The following NR2F1-AS1 variants were observed in gnomAD, a reference collection of about 807,000 sequenced individuals.
NR2F1-AS1 encodes NR2F1 regulatory antisense RNA 1.
chr5:93,466,192 C>T (rs1176009222), intron 4 of NR2F1-AS1, among the ~76,000 whole-genome samples: 2 of 152,056 alleles, frequency 1.3e-5, no homozygotes, highest in East Asian at 1.9e-4. Flanking sequence ...TTTTCTCATT[C>T]CACCCATTCT....
intron 4 of NR2F1-AS1, among the ~76,000 whole-genome samples, chr5:93,487,800 C>A (rs1479309092): frequency 6.6e-6 from 1 of 151,950 alleles, no homozygotes; most frequent in Non-Finnish European, 1.5e-5. Flanking sequence ...ATCCTAAGCA[C>A]AAAGAAAAAA....
chr5:93,495,529 G>T (rs1306213018), intron 4 of NR2F1-AS1, among the ~76,000 whole-genome samples: 1 of 152,028 alleles, frequency 6.6e-6, no homozygotes, highest in African/African-American at 2.4e-5. Flanking sequence ...AATGTTTACA[G>T]ATTTTTCATC....
chr5:93,582,065 C>T (rs1261972291), upstream of NR2F1-AS1, among the ~76,000 whole-genome samples: 1 of 139,914 alleles, frequency 7.1e-6, no homozygotes, highest in Non-Finnish European at 1.6e-5. Flanking sequence ...CCTTTCCTCT[C>T]CTCTCTCTCT....
intron 4 of NR2F1-AS1, among the ~76,000 whole-genome samples, chr5:93,418,510 C>G (rs1054900505): frequency 6.6e-6 from 1 of 152,016 alleles, no homozygotes; most frequent in African/African-American, 2.4e-5. Context: ...CGCTTGAACC[C>G]AGGAGGCAGA....
chr5:93,491,207 G>A (rs901925063), intron 4 of NR2F1-AS1, among the ~76,000 whole-genome samples: 17 of 151,240 alleles, frequency 1.1e-4, no homozygotes, highest in African/African-American at 3.4e-4. Flanking sequence ...GGTTGTTCCC[G>A]GTAATGGTGG....
intron 4 of NR2F1-AS1, among the ~76,000 whole-genome samples, chr5:93,458,784 T>C (rs968157189): frequency 1.3e-5 from 2 of 150,930 alleles, no homozygotes; most frequent in African/African-American, 4.9e-5. Context: ...CCGAGGAGAG[T>C]GGATCACTTG....
chr5:93,460,897 A>G (rs1207599586), intron 4 of NR2F1-AS1, among the ~76,000 whole-genome samples: 1 of 152,244 alleles, frequency 6.6e-6, no homozygotes, highest in Non-Finnish European at 1.5e-5. Flanking sequence ...AGTGTAAATT[A>G]GTTTGACCAC....
intron 1 of NR2F1-AS1, among the ~76,000 whole-genome samples, chr5:93,566,851 T>C (rs1752630577): frequency 1.3e-5 from 2 of 152,024 alleles, no homozygotes; most frequent in Admixed American, 6.5e-5. Context: ...AGTTGTCTAA[T>C]AGAGCAATAA....
intron 4 of NR2F1-AS1, among the ~76,000 whole-genome samples, chr5:93,437,279 G>A (rs555333436): frequency 4.0e-5 from 6 of 151,878 alleles, no homozygotes; most frequent in South Asian, 2.1e-4. Flanking sequence ...GATACACACC[G>A]GATTTCAAAG....
Position 93,521,024 on chromosome 5 carries a change from T to C in NR2F1-AS1, n.638+32737A>G, listed in dbSNP as rs1045791187. ...ATGGTACTGGTTCAAAAAAAGTGCATAGACCAATGGAACAGAACAGAGAGC... is the reference window on the plus strand; with the variant it reads ...ATGGTACTGGTTCAAAAAAAGTGCACAGACCAATGGAACAGAACAGAGAGC... On this transcript the variant is annotated intron_variant and non_coding_transcript_variant, in intron 4 of 5. Coordinates refer to ENST00000660523, the Ensembl canonical transcript of NR2F1-AS1. Among the ~76,000 whole-genome samples the C allele has an allele frequency of 5.9e-5, 9 of 152,166 alleles. No homozygotes were observed. The South Asian group carries it at 1.5e-3, about 25-fold the overall frequency.
upstream of NR2F1-AS1, among the ~76,000 whole-genome samples, chr5:93,582,585 G>A (rs1753128649): frequency 6.6e-6 from 1 of 152,198 alleles, no homozygotes; most frequent in Non-Finnish European, 1.5e-5. Flanking sequence ...TCATTAAAAT[G>A]GTGGGGGTTT....
intron 4 of NR2F1-AS1, among the ~76,000 whole-genome samples, chr5:93,438,170 G>A (rs2149850124): frequency 6.6e-6 from 1 of 152,274 alleles, no homozygotes; most frequent in South Asian, 2.1e-4. Context: ...GGGATTTGGG[G>A]AATTCATAGA....
intron 4 of NR2F1-AS1, among the ~76,000 whole-genome samples, chr5:93,483,575 G>A (rs1750648449): frequency 6.6e-6 from 1 of 152,154 alleles, no homozygotes; most frequent in African/African-American, 2.4e-5. Context: ...ACCAGCAAGG[G>A]AACAAAACTG....
chr5:93,489,263 C>T (rs116561251), intron 4 of NR2F1-AS1, among the ~76,000 whole-genome samples: 2,553 of 151,482 alleles, frequency 0.017, 77 homozygotes, highest in African/African-American at 0.059. Context: ...AAGAAATTAC[C>T]ACAGCCACCC....
Position 93,579,827 on chromosome 5 carries a change from C to T in NR2F1-AS1, n.313+640G>A, listed in dbSNP as rs1333381392. 2.0e-5 allele frequency among the ~76,000 whole-genome samples: 3 copies of T among 152,214 alleles called. No individual in the cohort carries two copies. Among genetic ancestry groups the T allele is most frequent in the African/African-American group, 7.2e-5 (3 of 41,456 alleles). On this transcript the variant is annotated intron_variant and non_coding_transcript_variant, in intron 1 of 5. Coordinates refer to ENST00000660523, the Ensembl canonical transcript of NR2F1-AS1. The surrounding 1 kb of genome is among the most constrained non-coding windows in gnomAD (Gnocchi z 5.1). ...GGCTCGGCTGCTAGGCTGCGAATCC[C>T]GGTGCTCTCTCGCCGCCGCCGCAGG...
intron 3 of NR2F1-AS1, among the ~76,000 whole-genome samples, chr5:93,554,721 G>C (rs767917104): frequency 6.6e-6 from 1 of 152,162 alleles, no homozygotes; most frequent in Non-Finnish European, 1.5e-5. Flanking sequence ...ACAAGGCATA[G>C]TACATAACCT....
intron 4 of NR2F1-AS1, among the ~76,000 whole-genome samples, chr5:93,417,641 C>T (rs148827238): frequency 1.3e-5 from 2 of 152,360 alleles, no homozygotes; most frequent in East Asian, 3.9e-4. Context: ...AACAGCGAGG[C>T]TGCCTGGTTC....
At chr5:93,414,253 G>A (rs970617999) in intron 4 of NR2F1-AS1, among the ~76,000 whole-genome samples, 2 of 152,086 alleles carry the variant, frequency 1.3e-5, no homozygotes, top group Non-Finnish European at 2.9e-5. Context: ...CAATGTTTTT[G>A]TTAGCATGTA....
chr5:93,421,862 T>C (rs1227707727), intron 4 of NR2F1-AS1, among the ~76,000 whole-genome samples: 2 of 152,224 alleles, frequency 1.3e-5, no homozygotes, highest in African/African-American at 4.8e-5. Flanking sequence ...TAACCATACA[T>C]AATTGGGCTT....
Sources: gnomAD v4.1 joint callset for allele counts (sites outside exome capture counted in the v4.1 genomes callset) on GRCh38, gnomAD v4.1.1 for gene constraint, Gnocchi (gnomAD v3.1) non-coding constraint, MANE v1.5 for transcripts, NCBI Gene and HGNC (gene_info 2026-07-23, HGNC 2026-07-21) for gene names.